MLH3: variants seen among roughly 807,000 people sequenced by gnomAD.
The protein encoded by MLH3 is DNA mismatch repair protein Mlh3.
Under a neutral mutation model 122.2 loss-of-function variants are expected in MLH3, and 82 were observed. The ratio of observed to expected loss-of-function variants is 0.67; its 90% CI spans 0.56 to 0.81. MLH3 has a LOEUF of 0.81. Among genes scored for constraint, MLH3 ranks in the 30% least tolerant of loss-of-function variants. The pLI, the probability that MLH3 is intolerant of heterozygous loss-of-function variation, is 0.00. For synonymous variants in MLH3, 524 were observed against 599.5 expected, an observed-to-expected ratio of 0.87 and a Z score of 1.84; for missense variants, 1,539 against 1,714.5, an observed-to-expected ratio of 0.90 and a Z score of 1.81.
intron 1 of MLH3, among the ~76,000 whole-genome samples, chr14:75,050,055 G>C (rs1375695354): frequency 1.3e-5 from 2 of 152,168 alleles, no homozygotes; most frequent in African/African-American, 4.8e-5. Flanking sequence ...ATTAAATACA[G>C]CTAAGGAACA....
chr14:75,046,345 C>G, intron 2 of MLH3, 31 bp downstream of exon 2: 1 of 1,611,528 alleles, frequency 6.2e-7, no homozygotes, highest in South Asian at 1.1e-5. Flanking sequence ...TCTTCAAAAG[C>G]ATCTCATGCA....
At chr14:75,051,177 C>T (rs1409555208) in intron 1 of MLH3, among the ~76,000 whole-genome samples, 1 of 152,174 alleles carries the variant, frequency 6.6e-6, no homozygotes, top group Non-Finnish European at 1.5e-5. Context: ...CGGGGCAGCG[C>T]TGCCTTCCCG....
Position 75,016,026 on chromosome 14 carries a change from A to G in MLH3, c.*1056T>C. The G allele has an allele frequency of 4.3e-6, 1 of 230,508 alleles. No homozygotes were observed. The highest frequency in any genetic ancestry group is 8.6e-6 in the Non-Finnish European group (1 of 116,452). 14.3% of individuals were successfully genotyped at this position (230,508 alleles called of 1,614,324 possible). ...AGCTGGCTTTTTGCATTTTTTTTCTACTATGCAATTTTAGTCTGTTGAGTC... is the reference window on the plus strand; with the variant it reads ...AGCTGGCTTTTTGCATTTTTTTTCTGCTATGCAATTTTAGTCTGTTGAGTC... On this transcript the variant is annotated 3_prime_UTR_variant, in exon 13 of 13. Coordinates refer to ENST00000355774, the MANE Select transcript of MLH3 (RefSeq NM_001040108.2).
intron 4 of MLH3, among the ~76,000 whole-genome samples, chr14:75,041,262 A>T (rs1891833894): frequency 6.6e-6 from 1 of 152,130 alleles, no homozygotes; most frequent in Non-Finnish European, 1.5e-5. Context: ...ATAACAGGCA[A>T]AGAAAGGCTG....
intron 11 of MLH3, among the ~76,000 whole-genome samples, chr14:75,019,446 A>G (rs1890130126): frequency 6.6e-6 from 1 of 150,490 alleles, no homozygotes. Context: ...GAGGGAAATA[A>G]ATTAGTGCTT....
At chr14:75,034,851 G>A (rs1002563097) in intron 6 of MLH3, among the ~76,000 whole-genome samples, 4 of 151,548 alleles carry the variant, frequency 2.6e-5, no homozygotes, top group African/African-American at 9.7e-5. Flanking sequence ...ATCACTTGAG[G>A]TCAGGAATTC....
chr14:75,040,585 CTA>C (rs1891784090), intron 4 of MLH3, among the ~76,000 whole-genome samples: 1 of 150,058 alleles, frequency 6.7e-6, no homozygotes, highest in African/African-American at 2.4e-5. Context: ...AACAATTTGT[CTA>C]TGTTCCATGA....
chr14:75,028,579 G>A (rs939342762), intron 9 of MLH3, among the ~76,000 whole-genome samples: 16 of 151,642 alleles, frequency 1.1e-4, no homozygotes, highest in Non-Finnish European at 7.4e-5. Context: ...CATCATGCCT[G>A]GCTAATTTTT....
chr14:75,038,541 G>A, intron 5 of MLH3, 129 bp from the exon 6 acceptor site: 1 of 707,326 alleles, frequency 1.4e-6, no homozygotes, highest in East Asian at 2.8e-5. Context: ...TTTGAGACTG[G>A]GTAAGGTTCT....
chr14:75,018,124 A>G (rs891127641), intron 12 of MLH3, among the ~76,000 whole-genome samples: 2 of 151,046 alleles, frequency 1.3e-5, no homozygotes, highest in African/African-American at 4.9e-5. Context: ...CAGCCTGCGC[A>G]ACAACAGCAA....
intron 11 of MLH3, among the ~76,000 whole-genome samples, chr14:75,021,517 G>A (rs1890279272): frequency 6.6e-6 from 1 of 152,122 alleles, no homozygotes; most frequent in Non-Finnish European, 1.5e-5. Flanking sequence ...AATGGGCAAA[G>A]GACATGAACA....
intron 7 of MLH3, among the ~76,000 whole-genome samples, 184 bp from the exon 8 acceptor site, chr14:75,032,363 G>A (rs1033545143): frequency 1.3e-5 from 2 of 152,110 alleles, no homozygotes; most frequent in African/African-American, 4.8e-5. Context: ...TAACAATTTT[G>A]GTAGTATTTT....
rs144328276 is a variant in MLH3, at chr14:75,014,825, T to C, written c.*2257A>G. The C allele has an allele frequency of 5.5e-6, 1 of 183,388 alleles. No individual in the cohort carries two copies. The highest frequency in any genetic ancestry group is 1.2e-5 in the Non-Finnish European group (1 of 86,192). 11.4% of individuals were successfully genotyped at this position (183,388 alleles called of 1,614,324 possible). A position where few individuals can be genotyped will look rare whatever the true frequency, so the allele number is the denominator to read the frequency against. On this transcript the variant is annotated 3_prime_UTR_variant, in exon 13 of 13. Coordinates refer to ENST00000355774, the MANE Select transcript of MLH3 (RefSeq NM_001040108.2). ...TAAATTAAAAATATAAGGGATAGCATATGGGTAATAATGGGAAGGACTGTG... is the reference window on the plus strand; with the variant it reads ...TAAATTAAAAATATAAGGGATAGCACATGGGTAATAATGGGAAGGACTGTG...
chr14:75,014,923 G>C lies in MLH3; in HGVS notation c.*2159C>G, dbSNP rs1269208067. On this transcript the variant is annotated 3_prime_UTR_variant, in exon 13 of 13. Coordinates refer to ENST00000355774, the MANE Select transcript of MLH3 (RefSeq NM_001040108.2). ...TAAGCCTTCAGCAAACCAGTTAACAGCTCCGAGCTTCGAAGTTTTATTATA... is the reference window on the plus strand; with the variant it reads ...TAAGCCTTCAGCAAACCAGTTAACACCTCCGAGCTTCGAAGTTTTATTATA... The C allele has an allele frequency of 3.3e-5, 6 of 179,838 alleles. No homozygotes were observed. The highest frequency in any genetic ancestry group is 5.9e-5 in the Non-Finnish European group (5 of 84,050). 11.1% of individuals were successfully genotyped at this position (179,838 alleles called of 1,614,324 possible).
rs1889923295 is a variant in MLH3 at position 75,016,979 on chromosome 14, G to C, written c.*103C>G. The C allele has an allele frequency of 7.2e-7, 1 of 1,393,512 alleles. No homozygotes were observed. The highest frequency in any genetic ancestry group is 1.2e-5 in the South Asian group (1 of 85,976). The allele number at this position is 1,393,512 out of a possible 1,614,324, so 86.3% of individuals were successfully genotyped here. On this transcript the variant is annotated 3_prime_UTR_variant, in exon 13 of 13. Transcript: ENST00000355774. Reference sequence around the variant, plus strand: ...CTGTCTAAGCTGCTCAGGGACACTGGGCTGATTCAGTCAGGGCCGTGCTGG... The same window carrying C: ...CTGTCTAAGCTGCTCAGGGACACTGCGCTGATTCAGTCAGGGCCGTGCTGG...
intron 1 of MLH3, among the ~76,000 whole-genome samples, chr14:75,050,041 C>T (rs1892560734): frequency 1.3e-5 from 2 of 152,114 alleles, no homozygotes; most frequent in South Asian, 4.1e-4. Flanking sequence ...AAACAGATGC[C>T]TAAATTAAAT....
intron 8 of MLH3, 47 bp downstream of exon 8, chr14:75,032,021 T>G (rs1356461930): frequency 1.8e-6 from 2 of 1,138,414 alleles, no homozygotes; most frequent in Non-Finnish European, 2.7e-6. Flanking sequence ...ACAGAATTAT[T>G]GTGAGAATTG....
intron 6 of MLH3, 122 bp from the exon 7 acceptor site, chr14:75,033,612 G>A (rs1230474781): frequency 2.7e-6 from 2 of 741,236 alleles, no homozygotes; most frequent in Non-Finnish European, 4.9e-6. Context: ...AACATTCTGA[G>A]GAGTAACAAT....
At position 75,047,287 on chromosome 14, in the gene MLH3, A is replaced by T; in HGVS notation, c.2369T>A (p.Ile790Asn). 10 of 1,614,150 alleles carry T rather than the reference A, an allele frequency of 6.2e-6. No individual in the cohort carries two copies. The highest frequency in any genetic ancestry group is 8.5e-6 in the Non-Finnish European group (10 of 1,179,986). ...TNLSLQVEPD[I>N]LLKDKNRLEN... ...TAAGCGGTTCTTGTCCTTCAGCAGA[A>T]TGTCAGGTTCAACTTGAAGACTGAG... Residue 790 changes from isoleucine (I) to asparagine (N), a missense_variant, in exon 2 of 13, where the codon ATT (isoleucine) becomes AAT (asparagine). Coordinates refer to ENST00000355774, the MANE Select transcript of MLH3 (RefSeq NM_001040108.2).
Sources: gnomAD v4.1 joint callset for allele counts (sites outside exome capture counted in the v4.1 genomes callset) on GRCh38, gnomAD v4.1.1 for gene constraint, MANE v1.5 for transcripts, NCBI Gene and HGNC (gene_info 2026-07-23, HGNC 2026-07-21) for gene names.